CCDC148: variants seen among roughly 807,000 people sequenced by gnomAD.
The protein encoded by CCDC148 is coiled-coil domain-containing protein 148.
A neutral mutation model predicts 85.7 loss-of-function variants in CCDC148; 89 were observed. That is an observed-to-expected ratio of 1.04 (90% CI 0.87 to 1.24). The LOEUF is 1.24. Ranked by LOEUF, CCDC148 falls within the 50% of genes most tolerant of loss-of-function variation. The pLI is 0.00. For synonymous variants in CCDC148, 230 were observed against 213.9 expected (o/e 1.08, Z -0.66); for missense variants, 692 against 671.7 (o/e 1.03, Z -0.33).
intron 10 of CCDC148, among the ~76,000 whole-genome samples, chr2:158,250,035 TA>T (rs1197437032): frequency 1.3e-5 from 2 of 152,090 alleles, no homozygotes; most frequent in Non-Finnish European, 2.9e-5. Flanking sequence ...CCACTCCATT[TA>T]AAAAATGGTT....
chr2:158,251,718 T>G (rs1219387891), intron 9 of CCDC148, among the ~76,000 whole-genome samples: 1 of 151,798 alleles, frequency 6.6e-6, no homozygotes, highest in Non-Finnish European at 1.5e-5. Context: ...AACTCCATAT[T>G]CATGGAAATA....
At chr2:158,436,045 A>T (rs936531031) in intron 1 of CCDC148, among the ~76,000 whole-genome samples, 1 of 152,206 alleles carries the variant, frequency 6.6e-6, no homozygotes, top group East Asian at 1.9e-4. Flanking sequence ...TTAACACCCC[A>T]CTGTCAACAT....
chr2:158,369,427 T>C (rs561501911), intron 1 of CCDC148, among the ~76,000 whole-genome samples: 1 of 152,290 alleles, frequency 6.6e-6, no homozygotes, highest in Admixed American at 6.5e-5. Context: ...TTATTCTCTT[T>C]GTAGCAATTG....
chr2:158,293,783 T>A (rs1691005991), intron 9 of CCDC148, among the ~76,000 whole-genome samples: 1 of 152,200 alleles, frequency 6.6e-6, no homozygotes, highest in Non-Finnish European at 1.5e-5. Flanking sequence ...TCCCTGTTAT[T>A]TTATTCTCAC....
intron 9 of CCDC148, among the ~76,000 whole-genome samples, chr2:158,294,789 A>C (rs1189563739): frequency 1.4e-5 from 2 of 141,534 alleles, no homozygotes; most frequent in Admixed American, 7.8e-5. Context: ...TCACCACTGC[A>C]CTCCAGCCTG....
At chr2:158,345,624 A>G (rs1682958814) in intron 2 of CCDC148, among the ~76,000 whole-genome samples, 1 of 152,196 alleles carries the variant, frequency 6.6e-6, no homozygotes, top group African/African-American at 2.4e-5. Flanking sequence ...ATAACCCCAG[A>G]AAAGTTTTCA....
chr2:158,224,990 T>C (rs946941736), intron 10 of CCDC148, among the ~76,000 whole-genome samples: 17 of 152,256 alleles, frequency 1.1e-4, no homozygotes, highest in African/African-American at 3.6e-4. Context: ...AATGCTCCAA[T>C]TAAAAGACAC....
intron 11 of CCDC148, among the ~76,000 whole-genome samples, chr2:158,211,273 G>A (rs1399111029): frequency 6.6e-6 from 1 of 152,108 alleles, no homozygotes; most frequent in Non-Finnish European, 1.5e-5. Flanking sequence ...ATAAAAGTCT[G>A]TGTTACTGAA....
intron 7 of CCDC148, among the ~76,000 whole-genome samples, chr2:158,328,082 G>C (rs1378861971): frequency 2.6e-5 from 4 of 151,700 alleles, no homozygotes; most frequent in African/African-American, 9.7e-5. Context: ...AGTCATGTAT[G>C]TATACATGTG....
chr2:158,277,712 T>G (rs1468140414), intron 9 of CCDC148, among the ~76,000 whole-genome samples: 1 of 152,164 alleles, frequency 6.6e-6, no homozygotes, highest in African/African-American at 2.4e-5. Flanking sequence ...TTCTCCTGCC[T>G]CAGCCTCCCG....
At chr2:158,348,768 G>A (rs568416591) in intron 2 of CCDC148, among the ~76,000 whole-genome samples, 16 of 152,126 alleles carry the variant, frequency 1.1e-4, no homozygotes, top group Middle Eastern at 3.4e-3. Flanking sequence ...GTGACATGGA[G>A]ATTCACTATA....
chr2:158,353,564 A>C (rs962889168), intron 2 of CCDC148, among the ~76,000 whole-genome samples: 60 of 152,008 alleles, frequency 3.9e-4, no homozygotes, highest in African/African-American at 1.3e-3. Flanking sequence ...TAGGTGCACC[A>C]AGATTCATAA....
At chr2:158,310,139 C>A (rs1336822876) in intron 8 of CCDC148, among the ~76,000 whole-genome samples, 1 of 152,190 alleles carries the variant, frequency 6.6e-6, no homozygotes, top group African/African-American at 2.4e-5. Flanking sequence ...AAGGAGCACG[C>A]TGCCTTCAAG....
chr2:158,441,870 A>G (rs1427569109), intron 1 of CCDC148, among the ~76,000 whole-genome samples: 1 of 152,174 alleles, frequency 6.6e-6, no homozygotes, highest in Non-Finnish European at 1.5e-5. Context: ...TTAACTTTTT[A>G]CCAGCAAAAA....
chr2:158,307,392 T>C (rs559045232), intron 9 of CCDC148, among the ~76,000 whole-genome samples: 30 of 152,294 alleles, frequency 2.0e-4, no homozygotes, highest in African/African-American at 7.2e-4. Context: ...GTCACCACGT[T>C]AGATGAAATT....
In CCDC148 at chr2:158,254,802, C is replaced by G. The variant is rs1574490426; in HGVS notation, c.1111-3890G>C. On this transcript the variant is annotated intron_variant, in intron 9 of 13. Transcript: ENST00000283233. ...ATGACCTTTGCATATTATATGATGT[C>G]CTGTGATTTAAAGAAGCAAAAGCAT... 2.0e-5 allele frequency among the ~76,000 whole-genome samples: 3 copies of G among 151,406 alleles called. No individual in the cohort carries two copies. The Middle Eastern group carries it at 0.01, about 515-fold the overall frequency.
intron 1 of CCDC148, among the ~76,000 whole-genome samples, chr2:158,405,394 T>C (rs970664148): frequency 6.6e-6 from 1 of 152,150 alleles, no homozygotes; most frequent in Non-Finnish European, 1.5e-5. Flanking sequence ...CTTATAACTA[T>C]AAGCTTCATT....
chr2:158,345,998 G>A (rs1682977074), intron 2 of CCDC148, among the ~76,000 whole-genome samples: 1 of 152,114 alleles, frequency 6.6e-6, no homozygotes, highest in Non-Finnish European at 1.5e-5. Flanking sequence ...AAAGAAATAT[G>A]AAAAATCATG....
At chr2:158,251,865 G>T (rs1688806384) in intron 9 of CCDC148, among the ~76,000 whole-genome samples, 1 of 151,734 alleles carries the variant, frequency 6.6e-6, no homozygotes, top group African/African-American at 2.4e-5. Context: ...ACCAAATAAT[G>T]ATATTGGTTA....
Sources: gnomAD v4.1 joint callset for allele counts (sites outside exome capture counted in the v4.1 genomes callset) on GRCh38, gnomAD v4.1.1 for gene constraint, MANE v1.5 for transcripts, NCBI Gene and HGNC (gene_info 2026-07-23, HGNC 2026-07-21) for gene names.